Variants in PIGN observed in about 807,000 individuals in gnomAD.
PIGN encodes the protein phosphatidylinositol glycan anchor biosynthesis class N.
In PIGN, 117 loss-of-function variants were observed where a neutral mutation model predicts 125.4. That is an observed-to-expected ratio of 0.93 (90% CI 0.80 to 1.09). The LOEUF (loss-of-function observed/expected upper bound fraction) is 1.09, where lower values mean the gene tolerates loss of function less well. Ranked by LOEUF, PIGN falls within the 50% of genes least tolerant of loss-of-function variation. The pLI, the probability that PIGN is intolerant of heterozygous loss-of-function variation, is 0.00. For synonymous variants in PIGN, 392 were observed against 377.8 expected, an observed-to-expected ratio of 1.04 and a Z score of -0.44; for missense variants, 1,075 against 1,094.9, an observed-to-expected ratio of 0.98 and a Z score of 0.26.
Position 62,161,301 on chromosome 18 carries a change from G to A in PIGN, c.53C>T (p.Ser18Phe), listed in dbSNP as rs1343542227. 2 of 1,613,590 alleles carry A rather than the reference G, an allele frequency of 1.2e-6. No homozygotes were observed. Among genetic ancestry groups the A allele is most frequent in the African/African-American group, 2.7e-5 (2 of 74,926 alleles). The change falls in exon 4 of 31, where the codon TCC becomes TTC. Residue 18 changes from serine to phenylalanine, a missense_variant. Around this residue, in one of 3 missense-constraint regions of PIGN, gnomAD observed 152 missense variants for 162.9 expected, o/e 0.93. Transcript: ENST00000640252. ...GLLIHFVFFA[S>F]IFDIYFTSPL... ...AGATGTAAAATAAATGTCAAAGATG[G>A]AGGCGAAGAACACAAAATGTATAAG... is the stretch of plus-strand genomic sequence containing the variant.
chr18:62,159,672 C>T (rs967819332), intron 4 of PIGN, among the ~76,000 whole-genome samples: 1 of 152,144 alleles, frequency 6.6e-6, no homozygotes, highest in Non-Finnish European at 1.5e-5. Flanking sequence ...AAATTTAGTT[C>T]TGAAAATTCA....
chr18:62,076,567 G>A (rs1013681576), intron 28 of PIGN, among the ~76,000 whole-genome samples: 17 of 151,926 alleles, frequency 1.1e-4, no homozygotes, highest in African/African-American at 2.4e-4. Flanking sequence ...CTAACTCTTC[G>A]CCTAACCCAA....
chr18:62,116,045 C>T (rs1335986143), intron 14 of PIGN, among the ~76,000 whole-genome samples: 1 of 152,148 alleles, frequency 6.6e-6, no homozygotes, highest in Non-Finnish European at 1.5e-5. Flanking sequence ...TTGCAGACTG[C>T]AGGAAAATTC....
At chr18:62,061,654 G>A (rs1315629487) in intron 30 of PIGN, among the ~76,000 whole-genome samples, 5 of 151,882 alleles carry the variant, frequency 3.3e-5, no homozygotes, top group African/African-American at 1.2e-4. Context: ...AATAAAATTC[G>A]TCATGAAGGG....
intron 29 of PIGN, 77 bp from the exon 30 acceptor site, chr18:62,072,802 G>T: frequency 9.5e-7 from 1 of 1,051,812 alleles, no homozygotes; most frequent in Non-Finnish European, 1.4e-6. Context: ...TTTTAGGACT[G>T]TATGTTTCAG....
In PIGN at chr18:62,174,073, G is replaced by C. The variant is rs1032610754; in HGVS notation, c.-235-10417C>G. ...TACTAAAAATACAAAAATTAGCTGG[G>C]CATGGTGGCGGGCACCTGTAATCCC... On this transcript the variant is annotated intron_variant, in intron 1 of 30. Coordinates refer to ENST00000640252, the MANE Select transcript of PIGN (RefSeq NM_176787.5). Among the ~76,000 whole-genome samples the C allele has an allele frequency of 2.0e-5, 3 of 152,170 alleles. No homozygotes were observed. The East Asian group carries it at 5.8e-4, about 29-fold the overall frequency.
chr18:62,029,359 A>G (rs1474658455), intron 23 of PIGN, among the ~76,000 whole-genome samples: 1 of 152,160 alleles, frequency 6.6e-6, no homozygotes, highest in East Asian at 1.9e-4. Context: ...TAAGGTCATT[A>G]TAACGGTCTC....
At position 62,117,546 on chromosome 18, in the gene PIGN, C is replaced by A. The variant is rs568154281; in HGVS notation, c.1173-2907G>T. Reference sequence around the variant, plus strand: ...GTATTACACCATTTTATTCCTCAGCCCCCCCCTCTAAAAAGAATCTAAATA... The same window carrying A: ...GTATTACACCATTTTATTCCTCAGCACCCCCCTCTAAAAAGAATCTAAATA... On this transcript the variant is annotated intron_variant, in intron 14 of 30. Coordinates refer to ENST00000640252, the MANE Select transcript of PIGN (RefSeq NM_176787.5). Among the ~76,000 whole-genome samples the A allele has an allele frequency of 2.1e-3, 267 of 126,066 alleles. 4 individuals carry two copies. In the Middle Eastern group the frequency reaches 0.023, roughly 11 times the overall value. The allele number at this position is 126,066 out of a possible 152,430, so 82.7% of individuals were successfully genotyped here.
At chr18:62,026,833 G>A (rs2030125142) in intron 23 of PIGN, among the ~76,000 whole-genome samples, 1 of 152,234 alleles carries the variant, frequency 6.6e-6, no homozygotes, top group Non-Finnish European at 1.5e-5. Context: ...ACAATGTGGA[G>A]CCATGACTAC....
chr18:62,053,466 T>C (rs1406709093), intron 30 of PIGN, among the ~76,000 whole-genome samples: 1 of 152,134 alleles, frequency 6.6e-6, no homozygotes, highest in Non-Finnish European at 1.5e-5. Flanking sequence ...GCATTAAATG[T>C]GAATAGTCTA....
chr18:62,149,451 G>T, intron 7 of PIGN, among the ~76,000 whole-genome samples: 1 of 152,084 alleles, frequency 6.6e-6, no homozygotes, highest in East Asian at 1.9e-4. Context: ...CTGAGCAAAT[G>T]ACTTGAATTA....
chr18:62,120,301 T>A (rs2035251391), intron 14 of PIGN, among the ~76,000 whole-genome samples: 1 of 152,146 alleles, frequency 6.6e-6, no homozygotes, highest in East Asian at 1.9e-4. Flanking sequence ...ATCCTTAAGT[T>A]TCTGAAAGAA....
intron 4 of PIGN, among the ~76,000 whole-genome samples, chr18:62,159,904 G>T (rs544827927): frequency 7.2e-5 from 11 of 152,176 alleles, no homozygotes; most frequent in Non-Finnish European, 1.6e-4. Flanking sequence ...ATGAGGTCAG[G>T]AGATCAAGAC....
rs1293316694 is a variant in PIGN, at chr18:62,144,054, A to T, written c.923-708T>A. On this transcript the variant is annotated intron_variant, in intron 10 of 30. Coordinates refer to ENST00000640252, the MANE Select transcript of PIGN (RefSeq NM_176787.5). ...ATTAAAGTTTAAAAATACGTTTCTG[A>T]CTCTACCAAAAATTCACACTAATCA... is the stretch of plus-strand genomic sequence containing the variant. 2.6e-5 allele frequency among the ~76,000 whole-genome samples: 4 copies of T among 152,112 alleles called. No individual in the cohort carries two copies. The East Asian group carries it at 7.7e-4, about 29-fold the overall frequency.
At chr18:62,129,626 C>T (rs1413487857) in intron 14 of PIGN, among the ~76,000 whole-genome samples, 3 of 152,162 alleles carry the variant, frequency 2.0e-5, no homozygotes, top group Non-Finnish European at 4.4e-5. Flanking sequence ...GTATCATTTG[C>T]TATACTGTCT....
intron 1 of PIGN, among the ~76,000 whole-genome samples, chr18:62,166,125 A>G (rs1211439831): frequency 1.3e-5 from 2 of 152,208 alleles, no homozygotes; most frequent in Admixed American, 1.3e-4. Flanking sequence ...GCAAGAGGGG[A>G]TGGAATGGAG....
At position 62,094,009 on chromosome 18, in the gene PIGN, T is replaced by C. The variant is rs1372752331; in HGVS notation, c.2180+1839A>G. Among the ~76,000 whole-genome samples the C allele has an allele frequency of 3.9e-5, 6 of 152,142 alleles. No individual in the cohort carries two copies. The East Asian group carries it at 1.2e-3, about 29-fold the overall frequency. ...ATTAACAAGGTTATATAGTGCCTTATTATTCTGATTTTAGGTATAAATTTT... is the reference window on the plus strand; with the variant it reads ...ATTAACAAGGTTATATAGTGCCTTACTATTCTGATTTTAGGTATAAATTTT... On this transcript the variant is annotated intron_variant, in intron 23 of 30. Transcript: ENST00000640252.
intron 30 of PIGN, among the ~76,000 whole-genome samples, chr18:62,063,730 A>G (rs2032336139): frequency 6.7e-6 from 1 of 150,338 alleles, no homozygotes; most frequent in Non-Finnish European, 1.5e-5. Context: ...CATATACACC[A>G]TGGAATACTA....
downstream of PIGN, among the ~76,000 whole-genome samples, chr18:62,039,109 C>T (rs1304356475): frequency 6.6e-6 from 1 of 151,878 alleles, no homozygotes; most frequent in Non-Finnish European, 1.5e-5. Context: ...CAGTGAACCA[C>T]CCCTTCAATC....
Sources: gnomAD v4.1 joint callset for allele counts (sites outside exome capture counted in the v4.1 genomes callset) on GRCh38, gnomAD v4.1.1 for gene constraint, gnomAD v4.1.1 regional missense constraint, MANE v1.5 for transcripts, NCBI Gene and HGNC (gene_info 2026-07-23, HGNC 2026-07-21) for gene names.